Variants in SCAANT1 observed in about 807,000 individuals in gnomAD.
SCAANT1 encodes the protein SCA7/ATXN7 antisense RNA 1.
At chr3:63,911,734 T>C (rs1704019475) in exon 1 of SCAANT1, 1 of 152,266 alleles carries the variant, frequency 6.6e-6, no homozygotes, top group South Asian at 2.1e-4. Flanking sequence ...GGGGCACACA[T>C]GTGGGCGGCG....
At chr3:63,912,370 C>T (rs527829027), upstream of SCAANT1, among the ~76,000 whole-genome samples, 708 of 151,506 alleles carry the variant, frequency 4.7e-3, 1 homozygote, top group Non-Finnish European at 7.9e-3. Context: ...CGGGCGGCCG[C>T]GGGAGTCGAA....
At chr3:63,912,035 A>G, upstream of SCAANT1, 1 of 152,184 alleles carries the variant, frequency 6.6e-6, no homozygotes, top group African/African-American at 2.4e-5. Flanking sequence ...GAGCGAGCTG[A>G]GAGGGAGGGA....
chr3:63,911,736 T>C (rs1360464235), exon 1 of SCAANT1: 1 of 152,286 alleles, frequency 6.6e-6, no homozygotes, highest in Admixed American at 6.5e-5. Flanking sequence ...GGCACACATG[T>C]GGGCGGCGTG....
At chr3:63,911,719 G>A (rs1704018803) in exon 1 of SCAANT1, 1 of 152,268 alleles carries the variant, frequency 6.6e-6, no homozygotes, top group Non-Finnish European at 1.5e-5. Context: ...TCCAATTGCG[G>A]GTCGGGGGCA....
exon 1 of SCAANT1, chr3:63,911,747 G>C (rs905802777): frequency 6.6e-6 from 1 of 152,242 alleles, no homozygotes; most frequent in Non-Finnish European, 1.5e-5. Context: ...GGGCGGCGTG[G>C]CGTGCACACG....
At chr3:63,912,121 C>G (rs1053759105), upstream of SCAANT1, 1 of 152,146 alleles carries the variant, frequency 6.6e-6, no homozygotes, top group Non-Finnish European at 1.5e-5. Flanking sequence ...CGGACGGACG[C>G]GCGGACGGAA....
At chr3:63,912,018 T>A (rs1028693504), upstream of SCAANT1, 1 of 152,232 alleles carries the variant, frequency 6.6e-6, no homozygotes, top group African/African-American at 2.4e-5. Context: ...ACGTGCAAAC[T>A]TCGCCGGAGC....
exon 1 of SCAANT1, chr3:63,911,694 G>A (rs1704017396): frequency 6.6e-6 from 1 of 152,274 alleles, no homozygotes; most frequent in African/African-American, 2.4e-5. Context: ...AGTTCCCCAG[G>A]CGCACAGTGT....
chr3:63,912,085 A>C (rs1704040804), upstream of SCAANT1: 1 of 152,080 alleles, frequency 6.6e-6, no homozygotes, highest in Admixed American at 6.5e-5. Context: ...GTCTCCGCTT[A>C]AGGGAGCCGG....
chr3:63,912,348 C>T (rs1359278431), upstream of SCAANT1, among the ~76,000 whole-genome samples: 2 of 151,522 alleles, frequency 1.3e-5, no homozygotes, highest in East Asian at 2.0e-4. Flanking sequence ...GCCTGCTGCC[C>T]GTCCCCTCCC....
exon 1 of SCAANT1, chr3:63,911,723 G>C (rs1334435425): frequency 6.6e-6 from 1 of 152,252 alleles, no homozygotes; most frequent in Non-Finnish European, 1.5e-5. Context: ...ATTGCGGGTC[G>C]GGGGCACACA....
chr3:63,912,364 C>A (rs1440295161), upstream of SCAANT1, among the ~76,000 whole-genome samples: 1 of 151,394 alleles, frequency 6.6e-6, no homozygotes, highest in Non-Finnish European at 1.5e-5. Flanking sequence ...CTCCCTCGGG[C>A]GGCCGCGGGA....
upstream of SCAANT1, chr3:63,911,840 C>G (rs1704024758): frequency 6.6e-6 from 1 of 152,388 alleles, no homozygotes; most frequent in South Asian, 2.1e-4. Flanking sequence ...GGAGTCCGCT[C>G]TGCGGCGGCT....
upstream of SCAANT1, among the ~76,000 whole-genome samples, chr3:63,912,340 C>CG (rs1704056496): frequency 1.3e-5 from 2 of 151,644 alleles, no homozygotes; most frequent in Admixed American, 1.3e-4. Flanking sequence ...GGCGGGCCGC[C>CG]TGCTGCCCGT....
chr3:63,912,086 A>G (rs1300937054), upstream of SCAANT1: 1 of 152,126 alleles, frequency 6.6e-6, no homozygotes, highest in East Asian at 1.9e-4. Context: ...TCTCCGCTTA[A>G]GGGAGCCGGC....
exon 1 of SCAANT1, chr3:63,911,529 C>T (rs1284393776): frequency 6.6e-6 from 1 of 152,154 alleles, no homozygotes; most frequent in African/African-American, 2.4e-5. Flanking sequence ...AAAAATGAAT[C>T]AGATTTTTAC....
chr3:63,911,950 G>C (rs1389164890), upstream of SCAANT1: 1 of 152,406 alleles, frequency 6.6e-6, no homozygotes, highest in Non-Finnish European at 1.5e-5. Flanking sequence ...CCGGCCGGCC[G>C]GCTCCTCCAT....
At chr3:63,912,089 G>A (rs1364038485), upstream of SCAANT1, 3 of 152,372 alleles carry the variant, frequency 2.0e-5, no homozygotes, top group African/African-American at 7.2e-5. Context: ...CCGCTTAAGG[G>A]AGCCGGCCGG....
exon 1 of SCAANT1, chr3:63,911,631 C>T (rs530193419): frequency 2.0e-5 from 3 of 152,300 alleles, no homozygotes; most frequent in Admixed American, 6.5e-5. Context: ...GTTTCACTCT[C>T]CTCCATTCCC....
Sources: allele counts gnomAD v4.1 joint callset (sites outside exome capture counted in the v4.1 genomes callset), GRCh38; gene constraint gnomAD v4.1.1; transcripts MANE v1.5; gene names NCBI Gene and HGNC (gene_info 2026-07-23, HGNC 2026-07-21).